The following NFASC variants were observed in gnomAD, a reference collection of about 807,000 sequenced individuals.
NFASC encodes the protein neurofascin homolog.
Under a neutral mutation model 147.5 loss-of-function variants are expected in NFASC, and 43 were observed. The observed-to-expected ratio is 0.29, with a 90% confidence interval of 0.23 to 0.38. The LOEUF is 0.38. Ranked by LOEUF, NFASC falls within the 10% of genes least tolerant of loss-of-function variation. NFASC has a pLI of 1.00. For synonymous variants in NFASC, 622 were observed against 665.5 expected (o/e 0.93, Z 1.01); for missense variants, 1,320 against 1,689.0 (o/e 0.78, Z 3.83).
In NFASC at chr1:204,888,093, G is replaced by C. The variant is rs570073307; in HGVS notation, c.-199-32539G>C. On this transcript the variant is annotated intron_variant, in intron 1 of 29. Coordinates refer to ENST00000339876, the MANE Select transcript of NFASC (RefSeq NM_001005388.3). ...GGCCGGAGGCTGCAAATGGTCTCTA[G>C]GGTTTTCTCTCTTCTCCCCCTTGGC... is the stretch of plus-strand genomic sequence containing the variant. Among the ~76,000 whole-genome samples the C allele has an allele frequency of 3.4e-4, 52 of 152,270 alleles. No homozygotes were observed. The South Asian group carries it at 0.01, about 30-fold the overall frequency.
intron 1 of NFASC, among the ~76,000 whole-genome samples, chr1:204,890,031 A>G (rs1193707721): frequency 2.0e-5 from 3 of 152,198 alleles, no homozygotes; most frequent in Non-Finnish European, 1.5e-5. Context: ...AAATGAGACC[A>G]AAAAGGTCTT....
At chr1:204,885,455 G>A (rs2081144038) in intron 1 of NFASC, among the ~76,000 whole-genome samples, 1 of 152,162 alleles carries the variant, frequency 6.6e-6, no homozygotes. Flanking sequence ...GTGGCTAAAT[G>A]GTGAAAGAAT....
At position 204,882,427 on chromosome 1, in the gene NFASC, T is replaced by TCC. The variant is rs144881054; in HGVS notation, c.-199-38199_-199-38198dup. Among the ~76,000 whole-genome samples, 12 of 152,112 alleles carry TCC rather than the reference T, an allele frequency of 7.9e-5. No individual in the cohort carries two copies. In the East Asian group the frequency reaches 1.6e-3, roughly 20 times the overall value. On this transcript the variant is annotated intron_variant, in intron 1 of 29. Transcript: ENST00000339876. ...TTTTCTTCCCTCTGCCTTAAGCTAT[T>TCC]CCCCCCCTCACCTCCCAGTTCGCTC...
intron 27 of NFASC, among the ~76,000 whole-genome samples, chr1:205,003,575 C>G (rs971279908): frequency 6.6e-6 from 1 of 152,098 alleles, no homozygotes; most frequent in African/African-American, 2.4e-5. Flanking sequence ...GGCCGGTATG[C>G]TAAGCCCTGG....
Position 204,979,304 on chromosome 1 carries a change from AAAG to A in NFASC, c.1979-53_1979-51del. The A allele has an allele frequency of 1.5e-6, 2 of 1,374,416 alleles. No homozygotes were observed. Among genetic ancestry groups the A allele is most frequent in the Admixed American group, 1.7e-5 (1 of 59,524 alleles). 85.1% of individuals were successfully genotyped at this position (1,374,416 alleles called of 1,614,324 possible). On this transcript the variant is annotated intron_variant, in intron 18 of 29. Transcript: ENST00000339876. The surrounding 1 kb of genome is among the most constrained non-coding windows in gnomAD (Gnocchi z 6.0). Reference sequence around the variant, plus strand: ...TGGAAGCCAAGAAGGAAGTGCTTTTAAAGAAGACCACTGCTAACTGAGCTCCCG... The same window carrying A: ...TGGAAGCCAAGAAGGAAGTGCTTTTAAAGACCACTGCTAACTGAGCTCCCG...
chr1:204,969,237 C>T (rs556112562), intron 10 of NFASC, among the ~76,000 whole-genome samples: 1 of 152,318 alleles, frequency 6.6e-6, no homozygotes, highest in African/African-American at 2.4e-5. Context: ...CCAGCGCTCC[C>T]TCAGCGGGTG....
At chr1:204,982,062 G>A (rs780185575) in intron 21 of NFASC, 42 bp downstream of exon 21, 2 of 1,367,944 alleles carry the variant, frequency 1.5e-6, no homozygotes, top group Admixed American at 5.3e-5. Flanking sequence ...GACCCTTGTG[G>A]CTAGGTCGCA....
intron 1 of NFASC, among the ~76,000 whole-genome samples, chr1:204,871,249 G>A (rs1202399825): frequency 6.6e-6 from 1 of 152,222 alleles, no homozygotes; most frequent in Non-Finnish European, 1.5e-5. Context: ...GGAGTGGATT[G>A]GTTGGGGTTA....
intron 8 of NFASC, among the ~76,000 whole-genome samples, chr1:204,963,017 C>A (rs1346590583): frequency 1.3e-5 from 2 of 152,264 alleles, no homozygotes; most frequent in East Asian, 3.9e-4. Context: ...GGCAGCTGGC[C>A]CCCATCATTA....
intron 1 of NFASC, among the ~76,000 whole-genome samples, chr1:204,859,636 T>C (rs1374544862): frequency 1.3e-5 from 2 of 152,248 alleles, no homozygotes; most frequent in Non-Finnish European, 2.9e-5. Flanking sequence ...AGGCTGGGTC[T>C]TGGGTCCCGC....
intron 1 of NFASC, among the ~76,000 whole-genome samples, chr1:204,881,043 A>G (rs561506697): frequency 6.6e-6 from 1 of 152,182 alleles, no homozygotes; most frequent in Non-Finnish European, 1.5e-5. Flanking sequence ...CACAAATGTC[A>G]GTTACTATGG....
At chr1:204,857,064 C>T (rs1341299679) in intron 1 of NFASC, among the ~76,000 whole-genome samples, 1 of 152,190 alleles carries the variant, frequency 6.6e-6, no homozygotes, top group Non-Finnish European at 1.5e-5. Context: ...ATTGCAGGGT[C>T]ATGTGGTAAT....
intron 13 of NFASC, 85 bp downstream of exon 13, chr1:204,974,375 G>A: frequency 9.4e-7 from 1 of 1,061,974 alleles, no homozygotes; most frequent in Non-Finnish European, 1.4e-6. Flanking sequence ...TAGGTGTTCA[G>A]CAAGACCTGG....
intron 1 of NFASC, among the ~76,000 whole-genome samples, chr1:204,840,199 C>A (rs1186498724): frequency 6.6e-6 from 1 of 152,180 alleles, no homozygotes; most frequent in African/African-American, 2.4e-5. Flanking sequence ...TACTGCCCAT[C>A]TGCAAACTGC....
intron 1 of NFASC, among the ~76,000 whole-genome samples, chr1:204,862,439 G>C (rs1037259536): frequency 3.9e-5 from 6 of 152,196 alleles, no homozygotes; most frequent in Admixed American, 3.9e-4. Flanking sequence ...ATAAATTCTG[G>C]TGTGTTCATT....
chr1:204,850,002 C>A (rs1326932059), intron 1 of NFASC, among the ~76,000 whole-genome samples: 1 of 152,182 alleles, frequency 6.6e-6, no homozygotes, highest in Non-Finnish European at 1.5e-5. Flanking sequence ...TCTGTTCAAT[C>A]CCATGGTGCT....
At chr1:205,011,538 G>T (rs887413047) in intron 28 of NFASC, among the ~76,000 whole-genome samples, 1 of 152,170 alleles carries the variant, frequency 6.6e-6, no homozygotes, top group African/African-American at 2.4e-5. Context: ...ACTCTGAGCT[G>T]CCCTTTGCCC....
At chr1:204,900,817 A>G (rs1029635055) in intron 1 of NFASC, among the ~76,000 whole-genome samples, 8 of 152,158 alleles carry the variant, frequency 5.3e-5, no homozygotes, top group Admixed American at 6.5e-5. Context: ...GAGTAGTAGT[A>G]GAGGAATTGA....
chr1:204,948,498 C>A, intron 3 of NFASC: 1 of 461,208 alleles, frequency 2.2e-6, no homozygotes, highest in South Asian at 1.6e-5. Context: ...CTCTCACTCA[C>A]CCTTCTCCAG....
Sources: gnomAD v4.1 joint callset for allele counts (sites outside exome capture counted in the v4.1 genomes callset) on GRCh38, gnomAD v4.1.1 for gene constraint, Gnocchi (gnomAD v3.1) non-coding constraint, MANE v1.5 for transcripts, NCBI Gene and HGNC (gene_info 2026-07-23, HGNC 2026-07-21) for gene names.